ZNF90: variants seen among roughly 807,000 people sequenced by gnomAD.
ZNF90 encodes the protein zinc finger protein 90.
ZNF90 carries 11 observed loss-of-function variants against 12.0 expected under a neutral mutation model. The observed-to-expected ratio is 0.92, with a 90% CI of 0.58 to 1.52. ZNF90 has a LOEUF of 1.52. Ranked by LOEUF, ZNF90 falls within the 40% of genes most tolerant of loss-of-function variation. The pLI is 0.00. For synonymous variants in ZNF90, 232 were observed against 240.1 expected, an observed-to-expected ratio of 0.97 and a Z score of 0.31; for missense variants, 765 against 711.5, an observed-to-expected ratio of 1.08 and a Z score of -0.86.
At chr19:20,095,517 G>A (rs540858185) in intron 1 of ZNF90, among the ~76,000 whole-genome samples, 6 of 152,124 alleles carry the variant, frequency 3.9e-5, no homozygotes, top group South Asian at 2.1e-4. Flanking sequence ...ATAGAGACAC[G>A]GAGGGAAGGG....
At chr19:20,105,723 C>G (rs2217650) in intron 3 of ZNF90, among the ~76,000 whole-genome samples, 5,054 of 152,220 alleles carry the variant, frequency 0.033, 270 homozygotes, top group East Asian at 0.23. Context: ...AGTTTCATTT[C>G]TTTGTTCATT....
intron 3 of ZNF90, among the ~76,000 whole-genome samples, chr19:20,111,976 A>C (rs1025289271): frequency 6.6e-6 from 1 of 151,766 alleles, no homozygotes; most frequent in Non-Finnish European, 1.5e-5. Context: ...CTCCTTCCTC[A>C]GCCTCCTGTG....
intron 3 of ZNF90, chr19:20,106,952 A>C (rs2089044581): frequency 1.3e-5 from 6 of 454,580 alleles, no homozygotes; most frequent in South Asian, 7.8e-5. Flanking sequence ...GGACAGGCTG[A>C]ATATCCTTCA....
rs1457214808 is a variant in ZNF90, at chr19:20,119,785, G to A, written c.*425G>A. 6.1e-6 allele frequency: 1 copy of A among 164,154 alleles called. No individual in the cohort carries two copies. Among genetic ancestry groups the A allele is most frequent in the Non-Finnish European group, 1.3e-5 (1 of 75,270 alleles). 10.2% of individuals were successfully genotyped at this position (164,154 alleles called of 1,614,324 possible). ...AATTTTTGTATTTTTGGTAGAGACA[G>A]GGTTTTGCCATATTTAACAGGCTGG... On this transcript the variant is annotated 3_prime_UTR_variant, in exon 4 of 4. Transcript: ENST00000418063.
chr19:20,084,595 A>G (rs559402336), intron 1 of ZNF90, among the ~76,000 whole-genome samples: 43 of 152,034 alleles, frequency 2.8e-4, no homozygotes, highest in Non-Finnish European at 5.4e-4. Flanking sequence ...GAACTAATTT[A>G]CACTCCCACC....
rs1555705983 is a variant in ZNF90, at chr19:20,118,332, G to T, written c.778G>T (p.Glu260Ter). Residue 260 changes from glutamate (E) to a stop codon, truncating the protein, a stop_gained, in exon 4 of 4, where the codon GAA becomes TAA. Transcript: ENST00000418063. LOFTEE classifies it low-confidence loss of function (END_TRUNC). ...TACTGGAGAGAAACGGTACAAATGT[G>T]AAGATTGTGGCAAAGAATTAAAGTA... ...IHTGEKRYKC[E>*]DCGKELKYSS... 3 of 1,557,996 alleles carry T rather than the reference G, an allele frequency of 1.9e-6. No homozygotes were observed. Among genetic ancestry groups the T allele is most frequent in the East Asian group, 4.8e-5 (2 of 41,330 alleles).
chr19:20,110,509 GC>G (rs1328762474), intron 3 of ZNF90, among the ~76,000 whole-genome samples: 3 of 152,004 alleles, frequency 2.0e-5, no homozygotes, highest in Non-Finnish European at 4.4e-5. Context: ...CAGGTGATCT[GC>G]CCCCTCAGCC....
chr19:20,110,872 T>C (rs949493193), intron 3 of ZNF90, among the ~76,000 whole-genome samples: 2 of 152,198 alleles, frequency 1.3e-5, no homozygotes. Context: ...AATTAAGTTA[T>C]TCACCTTTAT....
chr19:20,119,114 C>T lies in ZNF90; in HGVS notation c.1560C>T (p.Arg520=), dbSNP rs2089173088. The part of the protein sequence containing the change: ...KCEECGKAFK[R]SSVLSKHKII... ...AAGAATGTGGCAAAGCCTTCAAGCG[C>T]TCCTCAGTCCTTAGTAAACATAAGA... The change falls in exon 4 of 4, where the codon CGC becomes CGT. Residue 520 remains arginine, a synonymous_variant. Transcript: ENST00000418063. 1.2e-6 allele frequency: 2 copies of T among 1,612,860 alleles called. No individual in the cohort carries two copies. Among genetic ancestry groups the T allele is most frequent in the Non-Finnish European group, 1.7e-6 (2 of 1,179,520 alleles).
intron 1 of ZNF90, among the ~76,000 whole-genome samples, chr19:20,102,102 T>C (rs1472119485): frequency 6.6e-6 from 1 of 152,208 alleles, no homozygotes; most frequent in Non-Finnish European, 1.5e-5. Flanking sequence ...CCTTTAAAAT[T>C]GAAGAGGGGA....
At chr19:20,093,424 G>A (rs923397287) in intron 1 of ZNF90, among the ~76,000 whole-genome samples, 29 of 152,082 alleles carry the variant, frequency 1.9e-4, no homozygotes, top group Non-Finnish European at 2.2e-4. Context: ...GCATGTGATC[G>A]GTTGCCAGGG....
intron 1 of ZNF90, 91 bp from the exon 2 acceptor site, chr19:20,104,148 C>G: frequency 6.4e-7 from 1 of 1,572,264 alleles, no homozygotes; most frequent in Non-Finnish European, 8.7e-7. Flanking sequence ...AACCAATTCT[C>G]TTTACTCTCC....
intron 1 of ZNF90, among the ~76,000 whole-genome samples, chr19:20,081,554 C>T (rs527461874): frequency 6.6e-5 from 10 of 152,280 alleles, no homozygotes; most frequent in South Asian, 4.1e-4. Flanking sequence ...GGCATATCCC[C>T]ACCCCCAGAC....
intron 3 of ZNF90, among the ~76,000 whole-genome samples, chr19:20,113,415 A>T (rs1555705350): frequency 6.6e-6 from 1 of 151,406 alleles, no homozygotes; most frequent in African/African-American, 2.4e-5. Flanking sequence ...CTGGTCTTGA[A>T]CTCCTGACCT....
intron 3 of ZNF90, among the ~76,000 whole-genome samples, chr19:20,105,941 T>C (rs2089032011): frequency 6.6e-6 from 1 of 151,998 alleles, no homozygotes; most frequent in Non-Finnish European, 1.5e-5. Flanking sequence ...GTTTATTGAA[T>C]CTATAGATCA....
intron 3 of ZNF90, among the ~76,000 whole-genome samples, chr19:20,108,572 C>T (rs2089059273): frequency 6.6e-6 from 1 of 152,104 alleles, no homozygotes; most frequent in African/African-American, 2.4e-5. Flanking sequence ...TGGCCTTGGC[C>T]TCCCAAAGTT....
At position 20,119,719 on chromosome 19, in the gene ZNF90, AAGCCATTAACCTGCTTC is replaced by A. The variant is rs1208946663; in HGVS notation, c.*364_*380del. 3 of 183,392 alleles carry A rather than the reference AAGCCATTAACCTGCTTC, an allele frequency of 1.6e-5. No homozygotes were observed. Among genetic ancestry groups the A allele is most frequent in the African/African-American group, 2.4e-5 (1 of 41,776 alleles). 11.4% of individuals were successfully genotyped at this position (183,392 alleles called of 1,614,324 possible). ...CACTGCAACCTCTTCCTCCTGGTTC[AAGCCATTAACCTGCTTC>A]AGCCTCCACCACCATGCCCAACTAA... On this transcript the variant is annotated 3_prime_UTR_variant, in exon 4 of 4. Coordinates refer to ENST00000418063, the MANE Select transcript of ZNF90 (RefSeq NM_007138.2).
chr19:20,092,787 C>T (rs2088912877), intron 1 of ZNF90, among the ~76,000 whole-genome samples: 1 of 152,096 alleles, frequency 6.6e-6, no homozygotes, highest in Non-Finnish European at 1.5e-5. Flanking sequence ...GAAATTTGAG[C>T]TTTGGAGGGG....
chr19:20,105,320 G>A lies in ZNF90; in HGVS notation c.226+4G>A. 6.2e-7 allele frequency: 1 copy of A among 1,601,100 alleles called. No homozygotes were observed. The highest frequency in any genetic ancestry group is 1.1e-5 in the South Asian group (1 of 90,174). ...GAGATGATTGCCAAATCCCCAGGTA[G>A]GTGCGAGTGAAAATGAATACAACAG... On this transcript the variant is annotated splice_donor_region_variant and intron_variant, in intron 3 of 3. Coordinates refer to ENST00000418063, the MANE Select transcript of ZNF90 (RefSeq NM_007138.2).
Sources: gnomAD v4.1 joint callset for allele counts (sites outside exome capture counted in the v4.1 genomes callset) on GRCh38, gnomAD v4.1.1 for gene constraint, MANE v1.5 for transcripts, NCBI Gene and HGNC (gene_info 2026-07-23, HGNC 2026-07-21) for gene names.